Variants in ADARB2 observed in about 807,000 individuals in gnomAD.
ADARB2 encodes the protein inactive double-stranded RNA-specific editase B2.
Under a neutral mutation model 62.2 loss-of-function variants are expected in ADARB2, and 25 were observed. The ratio of observed to expected loss-of-function variants is 0.40; its 90% confidence interval spans 0.29 to 0.56. The LOEUF is 0.56. Ranked by LOEUF, ADARB2 falls within the 20% of genes least tolerant of loss-of-function variation. The pLI is 0.43. For synonymous variants in ADARB2, 572 were observed against 500.8 expected (o/e 1.14, Z -1.90); for missense variants, 1,071 against 1,077.4 (o/e 0.99, Z 0.08).
intron 1 of ADARB2, among the ~76,000 whole-genome samples, chr10:1,537,389 C>G (rs545203049): frequency 6.6e-5 from 10 of 152,208 alleles, no homozygotes; most frequent in Non-Finnish European, 1.3e-4. Flanking sequence ...TCAACAATTG[C>G]AGAAGACAGT....
chr10:1,252,433 G>T (rs1831045002), intron 4 of ADARB2, among the ~76,000 whole-genome samples: 1 of 152,192 alleles, frequency 6.6e-6, no homozygotes, highest in African/African-American at 2.4e-5. Context: ...CTCTTCCACA[G>T]TTTATCAGTG....
rs558274865 is a variant in ADARB2 at position 1,544,034 on chromosome 10, C to T, written c.101-164874G>A. ...AAAAACAAACAAAAAAAAAAACACA[C>T]AAAATGGTGACCTCAGGGACGTGAT... On this transcript the variant is annotated intron_variant, in intron 1 of 9. Transcript: ENST00000381312. Among the ~76,000 whole-genome samples, 91 of 136,586 alleles carry T rather than the reference C, an allele frequency of 6.7e-4. 2 individuals are homozygous for T. The South Asian group carries it at 0.019, about 29-fold the overall frequency. 89.6% of individuals were successfully genotyped at this position (136,586 alleles called of 152,430 possible).
chr10:1,715,450 A>C (rs1296542168), intron 1 of ADARB2, among the ~76,000 whole-genome samples: 1 of 151,836 alleles, frequency 6.6e-6, no homozygotes, highest in African/African-American at 2.4e-5. Flanking sequence ...AGAAACTTTC[A>C]AGGTTGTTTA....
At chr10:1,308,407 G>C (rs773137636) in intron 3 of ADARB2, among the ~76,000 whole-genome samples, 6 of 152,140 alleles carry the variant, frequency 3.9e-5, no homozygotes, top group Non-Finnish European at 8.8e-5. Flanking sequence ...CTTACTGAAG[G>C]GCGTTTTCGT....
intron 4 of ADARB2, among the ~76,000 whole-genome samples, chr10:1,264,285 G>C (rs942114158): frequency 5.9e-5 from 9 of 152,136 alleles, no homozygotes; most frequent in South Asian, 2.1e-4. Context: ...CAAATAAAAA[G>C]ACCTTGCTTT....
chr10:1,303,910 C>T (rs1472862403), intron 3 of ADARB2, among the ~76,000 whole-genome samples: 9 of 152,170 alleles, frequency 5.9e-5, no homozygotes, highest in Admixed American at 5.9e-4. Flanking sequence ...GTACCAGCCA[C>T]TGCAAAATCA....
At chr10:1,352,784 G>T (rs1341665879) in intron 3 of ADARB2, among the ~76,000 whole-genome samples, 1 of 152,102 alleles carries the variant, frequency 6.6e-6, no homozygotes, top group African/African-American at 2.4e-5. Context: ...TCCTGGCCTG[G>T]ACTTCAATCC....
At chr10:1,207,757 A>G (rs551029353) in intron 7 of ADARB2, among the ~76,000 whole-genome samples, 1 of 152,380 alleles carries the variant, frequency 6.6e-6, no homozygotes, top group Admixed American at 6.5e-5. Context: ...GTGATCAATA[A>G]TCAAGCTCAG....
intron 2 of ADARB2, among the ~76,000 whole-genome samples, chr10:1,374,819 A>T (rs143304732): frequency 6.6e-6 from 1 of 152,220 alleles, no homozygotes; most frequent in Non-Finnish European, 1.5e-5. Context: ...GCCACGCTAC[A>T]TTGGAAGAGA....
At chr10:1,656,806 T>G (rs994477743) in intron 1 of ADARB2, among the ~76,000 whole-genome samples, 10 of 152,194 alleles carry the variant, frequency 6.6e-5, no homozygotes, top group African/African-American at 2.2e-4. Context: ...AAGGTTATCT[T>G]AAAATTAAAA....
intron 1 of ADARB2, among the ~76,000 whole-genome samples, chr10:1,380,262 A>G (rs527877469): frequency 6.6e-6 from 1 of 152,372 alleles, no homozygotes; most frequent in Admixed American, 6.5e-5. Context: ...CACGGTGCAG[A>G]GCGCGACAGA....
chr10:1,219,990 G>C (rs1830671026), intron 6 of ADARB2, among the ~76,000 whole-genome samples: 1 of 145,048 alleles, frequency 6.9e-6, no homozygotes, highest in South Asian at 2.2e-4. Flanking sequence ...TGGTGGTGAT[G>C]ATGGTGATGA....
intron 3 of ADARB2, among the ~76,000 whole-genome samples, chr10:1,303,426 A>C (rs1380582294): frequency 6.6e-6 from 1 of 152,088 alleles, no homozygotes; most frequent in Admixed American, 6.6e-5. Flanking sequence ...AGTGATGGGG[A>C]GAATGGAACC....
At chr10:1,234,737 CTTTTTTTTT>C (rs71376899) in intron 5 of ADARB2, among the ~76,000 whole-genome samples, 4 of 53,606 alleles carry the variant, frequency 7.5e-5, no homozygotes, top group Admixed American at 3.2e-4. Context: ...CGACCATGAT[CTTTTTTTTT>C]TTTTTTTTTT....
At chr10:1,686,029 C>A (rs1367448363) in intron 1 of ADARB2, among the ~76,000 whole-genome samples, 1 of 152,242 alleles carries the variant, frequency 6.6e-6, no homozygotes, top group Non-Finnish European at 1.5e-5. Context: ...GTTTCCCATT[C>A]TTTTCCTTTT....
intron 6 of ADARB2, among the ~76,000 whole-genome samples, chr10:1,223,577 A>C (rs1020209102): frequency 1.3e-5 from 2 of 152,116 alleles, no homozygotes; most frequent in Non-Finnish European, 2.9e-5. Context: ...GATAGCTCTT[A>C]TTATTTTCAG....
intron 1 of ADARB2, among the ~76,000 whole-genome samples, chr10:1,495,992 GTCA>G (rs1453746457): frequency 1.3e-5 from 2 of 148,564 alleles, no homozygotes; most frequent in African/African-American, 5.0e-5. Flanking sequence ...CATTTCTATT[GTCA>G]TCATCATAGT....
At position 1,395,752 on chromosome 10, in the gene ADARB2, G is replaced by A. The variant is rs369776674; in HGVS notation, c.101-16592C>T. 3.9e-5 allele frequency among the ~76,000 whole-genome samples: 6 copies of A among 152,320 alleles called. 1 individual carries two copies. ...GGGAATCCAATGAGACAAGGACCGGGAGTGCAGCAGGGTGGGGGGCTGCCC... is the reference window on the plus strand; with the variant it reads ...GGGAATCCAATGAGACAAGGACCGGAAGTGCAGCAGGGTGGGGGGCTGCCC... On this transcript the variant is annotated intron_variant, in intron 1 of 9. Coordinates refer to ENST00000381312, the MANE Select transcript of ADARB2 (RefSeq NM_018702.4).
At chr10:1,349,911 C>T (rs1027240641) in intron 3 of ADARB2, among the ~76,000 whole-genome samples, 6 of 152,118 alleles carry the variant, frequency 3.9e-5, no homozygotes, top group African/African-American at 1.4e-4. Context: ...GGACGCCTGC[C>T]TTGGCTGCTC....
Sources: allele counts gnomAD v4.1 joint callset (sites outside exome capture counted in the v4.1 genomes callset), GRCh38; gene constraint gnomAD v4.1.1; transcripts MANE v1.5; gene names NCBI Gene and HGNC (gene_info 2026-07-23, HGNC 2026-07-21).